DTL: variants seen among roughly 807,000 people sequenced by gnomAD.
DTL encodes denticleless protein homolog.
DTL carries 46 observed loss-of-function variants against 87.0 expected under a neutral mutation model. That is an observed-to-expected ratio of 0.53 (90% CI 0.42 to 0.68). The LOEUF (loss-of-function observed/expected upper bound fraction) is 0.68, where lower values mean the gene tolerates loss of function less well. Among genes scored for constraint, DTL ranks in the 30% least tolerant of loss-of-function variants. DTL has a pLI of 0.00. For missense variants in DTL, 737 were observed against 869.4 expected (o/e 0.85, Z 1.91); for synonymous variants, 308 against 311.2 (o/e 0.99, Z 0.11).
chr1:212,056,105 C>T (rs922486982), intron 5 of DTL, among the ~76,000 whole-genome samples: 1 of 152,206 alleles, frequency 6.6e-6, no homozygotes, highest in Non-Finnish European at 1.5e-5. Flanking sequence ...CACTCCACAC[C>T]TCCTGCCCAG....
chr1:212,051,347 G>A (rs1229796377), intron 5 of DTL, among the ~76,000 whole-genome samples: 1 of 147,572 alleles, frequency 6.8e-6, no homozygotes, highest in Admixed American at 6.8e-5. Flanking sequence ...TATAGTGTGA[G>A]TCTGATGGTA....
At chr1:212,071,979 T>C in intron 10 of DTL, 122 bp from the exon 11 acceptor site, 1 of 678,844 alleles carries the variant, frequency 1.5e-6, no homozygotes, top group Non-Finnish European at 2.6e-6. Context: ...TGGATAAAGC[T>C]AGATCATCTG....
chr1:212,080,484 A>G, intron 12 of DTL, 131 bp from the exon 13 acceptor site: 1 of 807,102 alleles, frequency 1.2e-6, no homozygotes, highest in Non-Finnish European at 1.9e-6. Context: ...TCTTTAAGAT[A>G]TTATTTTCTA....
intron 14 of DTL, among the ~76,000 whole-genome samples, chr1:212,102,454 TATG>T (rs1027766494): frequency 2.0e-5 from 3 of 152,236 alleles, no homozygotes; most frequent in African/African-American, 7.2e-5. Flanking sequence ...TTTACCTTTA[TATG>T]ATGATAATGT....
chr1:212,059,621 C>T lies in DTL; in HGVS notation c.461-3263C>T, dbSNP rs112899311. 2.8e-3 allele frequency among the ~76,000 whole-genome samples: 425 copies of T among 152,018 alleles called. 3 individuals carry two copies. The highest frequency in any genetic ancestry group is 9.9e-3 in the African/African-American group (411 of 41,498). ...CTTGAGAACTGGAACAAGACAAGGACGCACGCTTTTCACCACTCCTATTCA... is the reference window on the plus strand; with the variant it reads ...CTTGAGAACTGGAACAAGACAAGGATGCACGCTTTTCACCACTCCTATTCA... On this transcript the variant is annotated intron_variant, in intron 5 of 14. Transcript: ENST00000366991.
intron 13 of DTL, among the ~76,000 whole-genome samples, chr1:212,093,453 A>G (rs1311793006): frequency 2.6e-5 from 4 of 152,138 alleles, no homozygotes; most frequent in Non-Finnish European, 5.9e-5. Context: ...GTGGGCTTGG[A>G]GAATTTGAGT....
At chr1:212,095,282 G>T (rs1238372016) in intron 13 of DTL, among the ~76,000 whole-genome samples, 1 of 152,146 alleles carries the variant, frequency 6.6e-6, no homozygotes, top group Non-Finnish European at 1.5e-5. Flanking sequence ...TGCTGATTTT[G>T]CTGAGTGTTT....
chr1:212,044,050 C>T (rs897017568), intron 2 of DTL, among the ~76,000 whole-genome samples: 1 of 152,098 alleles, frequency 6.6e-6, no homozygotes, highest in Non-Finnish European at 1.5e-5. Context: ...GATCACGCCA[C>T]TGCATTCCTG....
intron 13 of DTL, among the ~76,000 whole-genome samples, chr1:212,093,565 C>T (rs1399699543): frequency 6.6e-5 from 10 of 152,204 alleles, no homozygotes; most frequent in African/African-American, 2.4e-4. Flanking sequence ...AGTTCTCCTC[C>T]GACTGCCCCG....
At chr1:212,100,223 G>C in intron 13 of DTL, 29 bp from the exon 14 acceptor site, 1 of 1,480,542 alleles carries the variant, frequency 6.8e-7, no homozygotes, top group South Asian at 1.3e-5. Flanking sequence ...TTTCACTTCT[G>C]ATCTTCATGA....
At chr1:212,091,909 A>C (rs899996018) in intron 13 of DTL, among the ~76,000 whole-genome samples, 8 of 152,252 alleles carry the variant, frequency 5.3e-5, no homozygotes, top group Admixed American at 3.9e-4. Context: ...TACACAATAA[A>C]AATAAATTTG....
intron 13 of DTL, among the ~76,000 whole-genome samples, chr1:212,095,983 T>A (rs1655434707): frequency 6.6e-6 from 1 of 152,202 alleles, no homozygotes. Flanking sequence ...AATTCAGCAG[T>A]GAATCCATCT....
At chr1:212,047,816 G>A (rs1172375485) in intron 5 of DTL, among the ~76,000 whole-genome samples, 49 of 152,206 alleles carry the variant, frequency 3.2e-4, no homozygotes, top group Non-Finnish European at 1.0e-4. Context: ...GATCACAGGC[G>A]TGAGCCGCTG....
chr1:212,064,239 GC>G (rs1227563791), intron 6 of DTL, among the ~76,000 whole-genome samples: 2 of 152,054 alleles, frequency 1.3e-5, no homozygotes, highest in Non-Finnish European at 2.9e-5. Context: ...TAGGTTCACA[GC>G]AAAACTGAGC....
intron 1 of DTL, among the ~76,000 whole-genome samples, chr1:212,039,145 C>G (rs1452605301): frequency 6.6e-6 from 1 of 152,116 alleles, no homozygotes; most frequent in Admixed American, 6.5e-5. Flanking sequence ...CTGTCATAAG[C>G]CTCCAAGTAT....
At chr1:212,048,688 T>G (rs1667874660) in intron 5 of DTL, among the ~76,000 whole-genome samples, 1 of 152,176 alleles carries the variant, frequency 6.6e-6, no homozygotes, top group Non-Finnish European at 1.5e-5. Flanking sequence ...CTCCTTCCAT[T>G]TGTTTCTCAC....
chr1:212,095,681 G>A (rs1329589793), intron 13 of DTL, among the ~76,000 whole-genome samples: 1 of 152,130 alleles, frequency 6.6e-6, no homozygotes, highest in Non-Finnish European at 1.5e-5. Flanking sequence ...CACATGTATT[G>A]ACTTGTGTAT....
In DTL at chr1:212,100,383, C is replaced by T. The variant is rs1655581757; in HGVS notation, c.1393C>T (p.Pro465Ser). 8 of 1,613,978 alleles carry T rather than the reference C, an allele frequency of 5.0e-6. No individual in the cohort carries two copies. Among genetic ancestry groups the T allele is most frequent in the Non-Finnish European group, 6.8e-6 (8 of 1,179,980 alleles). The change falls in exon 14 of 15, where the codon CCT (proline) becomes TCT (serine). Residue 465 changes from proline to serine, a missense_variant. Transcript: ENST00000366991. Reference protein sequence around the residue: ...AGDLPLPSNTPTFSIKTSPAK... With the variant: ...AGDLPLPSNTSTFSIKTSPAK... ...AGACCTCCCTCTTCCTTCAAATACT[C>T]CTACGTTCTCTATTAAAACCTCTCC... is the stretch of plus-strand genomic sequence containing the variant.
chr1:212,084,023 G>T (rs1263483488), intron 13 of DTL, among the ~76,000 whole-genome samples: 1 of 152,102 alleles, frequency 6.6e-6, no homozygotes, highest in African/African-American at 2.4e-5. Flanking sequence ...GGTTAATGGG[G>T]AATTGAAGGT....
Sources: allele counts gnomAD v4.1 joint callset (sites outside exome capture counted in the v4.1 genomes callset), GRCh38; gene constraint gnomAD v4.1.1; transcripts MANE v1.5; gene names NCBI Gene and HGNC (gene_info 2026-07-23, HGNC 2026-07-21).